Variants in ZCCHC7 observed in about 807,000 individuals in gnomAD.
The protein encoded by ZCCHC7 is zinc finger CCHC-type containing 7, also known as zinc finger CCHC domain-containing protein 7.
Under a neutral mutation model 52.0 loss-of-function variants are expected in ZCCHC7, and 35 were observed. The observed-to-expected ratio is 0.67, with a 90% confidence interval of 0.51 to 0.89. ZCCHC7 has a LOEUF of 0.89. ZCCHC7 is among the 40% of genes least tolerant of loss of function. The pLI is 0.00. For synonymous variants in ZCCHC7, 217 were observed against 221.5 expected (o/e 0.98, Z 0.18); for missense variants, 574 against 649.1 (o/e 0.88, Z 1.26).
chr9:37,267,219 G>A (rs899004935), intron 2 of ZCCHC7, among the ~76,000 whole-genome samples: 2 of 152,166 alleles, frequency 1.3e-5, no homozygotes, highest in African/African-American at 4.8e-5. Context: ...CTTAGAGACA[G>A]AACTAAGGAT....
intron 2 of ZCCHC7, among the ~76,000 whole-genome samples, chr9:37,136,486 G>C (rs371247081): frequency 6.6e-5 from 10 of 151,088 alleles, no homozygotes; most frequent in African/African-American, 1.9e-4. Flanking sequence ...CTCTCTCTCT[G>C]TCTTGCTCTC....
chr9:37,240,686 C>A (rs1392841612), intron 2 of ZCCHC7, among the ~76,000 whole-genome samples: 2 of 151,798 alleles, frequency 1.3e-5, no homozygotes, highest in South Asian at 2.1e-4. Context: ...TCCTTCAATT[C>A]CTAAGATAAA....
intron 6 of ZCCHC7, among the ~76,000 whole-genome samples, chr9:37,339,139 A>C (rs1312546467): frequency 6.6e-6 from 1 of 152,202 alleles, no homozygotes; most frequent in Non-Finnish European, 1.5e-5. Flanking sequence ...TGTCCACTAG[A>C]ATACAGGGGA....
chr9:37,221,772 C>T (rs756054827), intron 2 of ZCCHC7, among the ~76,000 whole-genome samples: 18 of 151,656 alleles, frequency 1.2e-4, no homozygotes, highest in Non-Finnish European at 2.4e-4. Context: ...ACATGAAATA[C>T]GAGTACTAAA....
intron 2 of ZCCHC7, among the ~76,000 whole-genome samples, chr9:37,214,546 T>A (rs974316242): frequency 2.0e-5 from 3 of 152,106 alleles, no homozygotes; most frequent in Admixed American, 2.0e-4. Context: ...GTGTTGTTTC[T>A]CATCACTATA....
chr9:37,285,790 A>AT (rs1346133659), intron 2 of ZCCHC7, among the ~76,000 whole-genome samples: 1 of 152,182 alleles, frequency 6.6e-6, no homozygotes, highest in Non-Finnish European at 1.5e-5. Context: ...ATTAAGCAGT[A>AT]TTTTTTGAGC....
chr9:37,159,241 A>G (rs1820967510), intron 2 of ZCCHC7, among the ~76,000 whole-genome samples: 1 of 152,226 alleles, frequency 6.6e-6, no homozygotes, highest in South Asian at 2.1e-4. Flanking sequence ...GAATTCAACT[A>G]CAGTAACTTG....
chr9:37,339,786 A>G (rs1004585977), intron 6 of ZCCHC7, among the ~76,000 whole-genome samples: 1 of 152,216 alleles, frequency 6.6e-6, no homozygotes, highest in Non-Finnish European at 1.5e-5. Flanking sequence ...AAATAAATCC[A>G]TTTTGCATTC....
intron 2 of ZCCHC7, among the ~76,000 whole-genome samples, chr9:37,264,110 G>A (rs984177500): frequency 6.6e-6 from 1 of 152,064 alleles, no homozygotes; most frequent in African/African-American, 2.4e-5. Flanking sequence ...AACCTTTCAA[G>A]ACCTGATTTT....
intron 6 of ZCCHC7, among the ~76,000 whole-genome samples, chr9:37,349,126 A>G (rs1821202491): frequency 6.6e-6 from 1 of 152,238 alleles, no homozygotes; most frequent in Admixed American, 6.5e-5. Context: ...CACAATGCCA[A>G]ATTGAATGAG....
intron 2 of ZCCHC7, among the ~76,000 whole-genome samples, chr9:37,293,828 A>G (rs1360915143): frequency 2.0e-5 from 3 of 152,108 alleles, no homozygotes; most frequent in Non-Finnish European, 4.4e-5. Flanking sequence ...AGGCCTTAAT[A>G]TGACTAATAA....
chr9:37,186,813 C>A, intron 2 of ZCCHC7: 1 of 412,924 alleles, frequency 2.4e-6, no homozygotes. Context: ...GATTTTGGCA[C>A]TTTTTCAAAG....
At chr9:37,123,777 A>C (rs1375875782) in intron 1 of ZCCHC7, among the ~76,000 whole-genome samples, 3 of 152,256 alleles carry the variant, frequency 2.0e-5, no homozygotes, top group Non-Finnish European at 4.4e-5. Context: ...TACCTATTAA[A>C]TAAAAAGGAA....
intron 2 of ZCCHC7, among the ~76,000 whole-genome samples, chr9:37,149,804 A>G (rs1319632173): frequency 6.6e-6 from 1 of 152,210 alleles, no homozygotes; most frequent in Non-Finnish European, 1.5e-5. Context: ...TAAAAATGGG[A>G]AACACATAAA....
chr9:37,250,995 A>G (rs914758396), intron 2 of ZCCHC7, among the ~76,000 whole-genome samples: 1 of 152,184 alleles, frequency 6.6e-6, no homozygotes, highest in African/African-American at 2.4e-5. Flanking sequence ...CTTTTTATTA[A>G]AAGGACTTCA....
chr9:37,269,731 A>C (rs889021083), intron 2 of ZCCHC7, among the ~76,000 whole-genome samples: 7 of 151,806 alleles, frequency 4.6e-5, no homozygotes, highest in African/African-American at 1.5e-4. Flanking sequence ...ACTGAATTAT[A>C]ATTTTTTAAA....
Position 37,267,398 on chromosome 9 carries a change from T to TG in ZCCHC7, c.611-34783dup, listed in dbSNP as rs529710375. ...TGCATCTCTGTCTCCCATTTGGTGGTGGGGGGGAGACAGGGGAGAAGAACA... is the reference window on the plus strand; with the variant it reads ...TGCATCTCTGTCTCCCATTTGGTGGTGGGGGGGGAGACAGGGGAGAAGAACA... On this transcript the variant is annotated intron_variant, in intron 2 of 8. Coordinates refer to ENST00000336755, the MANE Select transcript of ZCCHC7 (RefSeq NM_032226.3). Among the ~76,000 whole-genome samples the TG allele has an allele frequency of 3.7e-3, 558 of 151,674 alleles. 3 individuals are homozygous for TG. Among genetic ancestry groups the TG allele is most frequent in the South Asian group, 9.0e-3 (43 of 4,768 alleles).
chr9:37,237,664 A>G (rs1021415091), intron 2 of ZCCHC7, among the ~76,000 whole-genome samples: 1 of 152,234 alleles, frequency 6.6e-6, no homozygotes, highest in African/African-American at 2.4e-5. Context: ...ATGGCACAAA[A>G]TAAGGCATAG....
chr9:37,219,909 C>T (rs1026969211), intron 2 of ZCCHC7, among the ~76,000 whole-genome samples: 22 of 152,142 alleles, frequency 1.4e-4, no homozygotes, highest in African/African-American at 4.3e-4. Flanking sequence ...ATATCAAGGA[C>T]GTCAGGACAT....
Sources: gnomAD v4.1 joint callset for allele counts (sites outside exome capture counted in the v4.1 genomes callset) on GRCh38, gnomAD v4.1.1 for gene constraint, MANE v1.5 for transcripts, NCBI Gene and HGNC (gene_info 2026-07-23, HGNC 2026-07-21) for gene names.